Variants in GRIA4 observed in about 807,000 individuals in gnomAD.
The protein encoded by GRIA4 is glutamate receptor 4.
In GRIA4, 34 loss-of-function variants were observed where a neutral mutation model predicts 104.0. The ratio of observed to expected loss-of-function variants is 0.33; its 90% confidence interval spans 0.25 to 0.44. The LOEUF (loss-of-function observed/expected upper bound fraction) is 0.44, where lower values mean the gene tolerates loss of function less well. GRIA4 is among the 20% of genes least tolerant of loss of function. The pLI, the probability that GRIA4 is intolerant of heterozygous loss-of-function variation, is 1.00. For missense variants in GRIA4, 750 were observed against 1,096.5 expected, an observed-to-expected ratio of 0.68 and a Z score of 4.46; for synonymous variants, 386 against 381.9, an observed-to-expected ratio of 1.01 and a Z score of -0.13.
chr11:105,794,574 C>CTA (rs1204574254), intron 4 of GRIA4, among the ~76,000 whole-genome samples: 1 of 128,222 alleles, frequency 7.8e-6, no homozygotes, highest in African/African-American at 2.9e-5. Context: ...CTATATCTAT[C>CTA]TATATATATC....
intron 4 of GRIA4, among the ~76,000 whole-genome samples, chr11:105,830,702 A>G (rs533477969): frequency 6.6e-6 from 1 of 152,166 alleles, no homozygotes; most frequent in South Asian, 2.1e-4. Context: ...ACTCAATTGG[A>G]CATAGGCATA....
chr11:105,921,765 C>G (rs181634791), intron 11 of GRIA4, among the ~76,000 whole-genome samples: 23 of 152,138 alleles, frequency 1.5e-4, no homozygotes, highest in Admixed American at 1.5e-3. Context: ...GGAGGCATTT[C>G]AAGTAAGTGA....
intron 5 of GRIA4, 174 bp downstream of exon 5, chr11:105,862,382 C>G: frequency 1.8e-6 from 1 of 555,518 alleles, no homozygotes; most frequent in Non-Finnish European, 3.2e-6. Flanking sequence ...TCACCAAGGA[C>G]CTTTTTGGTT....
At position 105,610,971 on chromosome 11, in the gene GRIA4, C is replaced by T. The variant is rs776960975; in HGVS notation, c.-27C>T. On this transcript the variant is annotated 5_prime_UTR_variant, in exon 2 of 17. Transcript: ENST00000282499. Reference sequence around the variant, plus strand: ...AAGAGTGCGAGAGAAAGAGAGAGAGCGCGCGCCAGGGAGAGGAGAAAAGAA... The same window carrying T: ...AAGAGTGCGAGAGAAAGAGAGAGAGTGCGCGCCAGGGAGAGGAGAAAAGAA... 1.4e-6 allele frequency: 2 copies of T among 1,455,698 alleles called. No homozygotes were observed. Among genetic ancestry groups the T allele is most frequent in the Non-Finnish European group, 1.9e-6 (2 of 1,038,760 alleles). The allele number at this position is 1,455,698 out of a possible 1,614,324, so 90.2% of individuals were successfully genotyped here. A position where few individuals can be genotyped will look rare whatever the true frequency, so the allele number is the denominator to read the frequency against.
intron 14 of GRIA4, among the ~76,000 whole-genome samples, chr11:105,964,155 T>G (rs945082776): frequency 6.6e-6 from 1 of 152,180 alleles, no homozygotes; most frequent in Non-Finnish European, 1.5e-5. Flanking sequence ...TTCAATCTGG[T>G]CCTTTGGTGA....
At chr11:105,790,868 C>T (rs1942185035) in intron 4 of GRIA4, among the ~76,000 whole-genome samples, 1 of 152,124 alleles carries the variant, frequency 6.6e-6, no homozygotes, top group Admixed American at 6.5e-5. Flanking sequence ...CCTTCCATTT[C>T]CTTTTTATGT....
chr11:105,658,165 C>T (rs887494096), intron 3 of GRIA4, among the ~76,000 whole-genome samples: 1 of 151,656 alleles, frequency 6.6e-6, no homozygotes, highest in South Asian at 2.1e-4. Flanking sequence ...GGTCTTTCCT[C>T]ATTCCAATTA....
At chr11:105,789,560 G>A (rs772916004) in intron 4 of GRIA4, among the ~76,000 whole-genome samples, 70 of 152,068 alleles carry the variant, frequency 4.6e-4, no homozygotes, top group Non-Finnish European at 8.4e-4. Context: ...ATCAGCCTTG[G>A]TGCTGGATCT....
intron 10 of GRIA4, chr11:105,913,041 GTTC>G: frequency 4.4e-6 from 4 of 910,236 alleles, no homozygotes; most frequent in Non-Finnish European, 5.3e-6. Flanking sequence ...CTTTGTGTAT[GTTC>G]TTATTTATAT....
At position 105,862,136 on chromosome 11, in the gene GRIA4, A is replaced by G; in HGVS notation, c.600A>G (p.Glu200=). Residue 200 remains glutamate (E), a synonymous_variant, in exon 5 of 17, where the codon GAA becomes GAG. Transcript: ENST00000282499. ...NDVSYRQLLE[E]LDRRQEKKFV... The stretch of plus-strand genomic sequence containing the variant: ...TCAGCTATAGGCAACTTCTAGAAGA[A>G]CTTGACAGAAGACAAGAGAAGAAGT... 1 of 1,607,532 alleles carries G rather than the reference A, an allele frequency of 6.2e-7. No individual in the cohort carries two copies. Among genetic ancestry groups the G allele is most frequent in the Non-Finnish European group, 8.5e-7 (1 of 1,174,006 alleles).
chr11:105,960,225 C>G (rs1425876998), intron 14 of GRIA4, among the ~76,000 whole-genome samples: 1 of 152,250 alleles, frequency 6.6e-6, no homozygotes, highest in African/African-American at 2.4e-5. Context: ...GAGGCTAAGT[C>G]TGCTGGTCCG....
rs1941069423 is a variant in GRIA4 at position 105,768,721 on chromosome 11, C to T, written c.487+15501C>T. Among the ~76,000 whole-genome samples, 3 of 151,884 alleles carry T rather than the reference C, an allele frequency of 2.0e-5. No individual in the cohort carries two copies. The South Asian group carries it at 6.2e-4, about 31-fold the overall frequency. The stretch of plus-strand genomic sequence containing the variant: ...CCTTCCTACTATGAGTTAAGTTGTT[C>T]CATTGGATTAAACAAATGTTCATAG... On this transcript the variant is annotated intron_variant, in intron 4 of 16. Transcript: ENST00000282499.
chr11:105,749,964 A>G (rs1456927196), intron 3 of GRIA4, among the ~76,000 whole-genome samples: 1 of 152,222 alleles, frequency 6.6e-6, no homozygotes, highest in Non-Finnish European at 1.5e-5. Context: ...ATGAAAACAT[A>G]AAAATTTACA....
intron 3 of GRIA4, among the ~76,000 whole-genome samples, chr11:105,640,339 A>G (rs896823568): frequency 2.6e-5 from 4 of 151,928 alleles, no homozygotes; most frequent in African/African-American, 9.7e-5. Flanking sequence ...TTGGATGTAT[A>G]TTTTTAATTA....
chr11:105,705,419 A>G (rs1953659691), intron 3 of GRIA4, among the ~76,000 whole-genome samples: 1 of 152,182 alleles, frequency 6.6e-6, no homozygotes, highest in Non-Finnish European at 1.5e-5. Context: ...GAATAAACCA[A>G]CTACAAATTT....
intron 3 of GRIA4, among the ~76,000 whole-genome samples, chr11:105,673,819 T>C (rs1361874170): frequency 2.6e-5 from 4 of 152,004 alleles, no homozygotes; most frequent in African/African-American, 4.8e-5. Context: ...ACACAAAATG[T>C]ATAAAATATC....
chr11:105,625,078 C>G (rs1219246414), intron 3 of GRIA4, among the ~76,000 whole-genome samples: 1 of 151,912 alleles, frequency 6.6e-6, no homozygotes, highest in Non-Finnish European at 1.5e-5. Context: ...ATCAAATTTC[C>G]TTTTTGGTAG....
rs373248458 is a variant in GRIA4, at chr11:105,820,941, C to T, written c.488-41083C>T. On this transcript the variant is annotated intron_variant, in intron 4 of 16. Coordinates refer to ENST00000282499, the MANE Select transcript of GRIA4 (RefSeq NM_000829.4). ...CAGCAGGCTGTTAAGAACAGAAGAGCGAAAACTTCCCTGATGGTATATGAG... is the reference window on the plus strand; with the variant it reads ...CAGCAGGCTGTTAAGAACAGAAGAGTGAAAACTTCCCTGATGGTATATGAG... Among the ~76,000 whole-genome samples the T allele has an allele frequency of 6.6e-5, 10 of 152,202 alleles. No homozygotes were observed. The East Asian group carries it at 7.7e-4, about 12-fold the overall frequency.
chr11:105,622,863 A>AATGTCTAT (rs1950785549), intron 3 of GRIA4, among the ~76,000 whole-genome samples: 1 of 151,644 alleles, frequency 6.6e-6, no homozygotes. Context: ...CAGAGTCTAC[A>AATGTCTAT]ATGTCTATTA....
Sources: allele counts gnomAD v4.1 joint callset (sites outside exome capture counted in the v4.1 genomes callset), GRCh38; gene constraint gnomAD v4.1.1; transcripts MANE v1.5; gene names NCBI Gene and HGNC (gene_info 2026-07-23, HGNC 2026-07-21).